TTN: variants seen among roughly 807,000 people sequenced by gnomAD.
TTN encodes titin, also known as connectin.
A neutral mutation model predicts 3,223.0 loss-of-function variants in TTN; 1,525 were observed. The ratio of observed to expected loss-of-function variants is 0.47; its 90% CI spans 0.45 to 0.49. The LOEUF (loss-of-function observed/expected upper bound fraction) is 0.49, where lower values mean the gene tolerates loss of function less well. Among genes scored for constraint, TTN ranks in the 20% least tolerant of loss-of-function variants. TTN has a pLI of 0.00. For missense variants in TTN, 40,786 were observed against 43,424.0 expected, an observed-to-expected ratio of 0.94 and a Z score of 5.40; for synonymous variants, 14,094 against 15,161.0, an observed-to-expected ratio of 0.93 and a Z score of 5.17.
In TTN at chr2:178,718,139, TC is replaced by T; in HGVS notation, c.24866del (p.Gly8289GlufsTer33). On this transcript the variant is annotated frameshift_variant, in exon 86 of 363. Coordinates refer to ENST00000589042, the MANE Select transcript of TTN (RefSeq NM_001267550.2). LOFTEE classifies it high-confidence loss of function. ...ACCAAGAAATTCTAATTTCTGGAGT[TC>T]CATCCACTTTACACTGTAAAGTTGC... The part of the protein sequence containing the change: ...EPATLQCKVD[G>X]TPEIRISWYK... The T allele has an allele frequency of 6.2e-7, 1 of 1,609,186 alleles. No homozygotes were observed. Among genetic ancestry groups the T allele is most frequent in the Non-Finnish European group, 8.5e-7 (1 of 1,179,686 alleles).
At position 178,575,229 on chromosome 2, in the gene TTN, G is replaced by A; in HGVS notation, c.70903C>T (p.Leu23635Phe). The A allele has an allele frequency of 2.5e-6, 4 of 1,613,056 alleles. No individual in the cohort carries two copies. Among genetic ancestry groups the A allele is most frequent in the Non-Finnish European group, 3.4e-6 (4 of 1,179,498 alleles). The change falls in exon 326 of 363, where the codon CTC (leucine) becomes TTC (phenylalanine). Residue 23635 changes from leucine (L) to phenylalanine (F), a missense_variant. Transcript: ENST00000589042. This position sits in a 1 kb window ranked among gnomAD's most constrained non-coding sequence, Gnocchi z 4.0. ...ACCAGTTTCTGATAGATGCCACGGA[G>A]ATCCAGCTCTGGAAGCATTGTCTGC... ...KEQTMLPELD[L>F]RGIYQKLVIA... is the part of the protein sequence containing the mutation.
chr2:178,803,334 T>C lies in TTN; in HGVS notation c.92-993A>G, dbSNP rs1386823600. Among the ~76,000 whole-genome samples the C allele has an allele frequency of 3.9e-5, 6 of 152,302 alleles. No homozygotes were observed. The East Asian group carries it at 7.7e-4, about 20-fold the overall frequency. On this transcript the variant is annotated intron_variant, in intron 2 of 362. Transcript: ENST00000589042. ...AAGATATGAAGTAGCCAGATTCCACTACTTCTCAAGGAGGCAAATTCCCAC... is the reference window on the plus strand; with the variant it reads ...AAGATATGAAGTAGCCAGATTCCACCACTTCTCAAGGAGGCAAATTCCCAC...
chr2:178,570,044 C>A lies in TTN; in HGVS notation c.76088G>T (p.Arg25363Leu). The A allele has an allele frequency of 6.2e-7, 1 of 1,613,290 alleles. No individual in the cohort carries two copies. The highest frequency in any genetic ancestry group is 8.5e-7 in the Non-Finnish European group (1 of 1,179,548). Residue 25363 changes from arginine (R) to leucine (L), a missense_variant, in exon 326 of 363, where the codon CGC becomes CTC. By Grantham distance (102) the Arg-to-Leu change is moderately radical (BLOSUM62 -2). Transcript: ENST00000589042. ...TTCTATGAGTCCAGTTACTCTCAGG[C>A]GCAACTCTCCAATCAGACGCTTATG... is the stretch of plus-strand genomic sequence containing the variant. ...RCHKRLIGEL[R>L]LRVTGLIENH...
In TTN at chr2:178,799,492, C is replaced by T. The variant is rs1288231396; in HGVS notation, c.909G>A (p.Pro303=). ...TCTCTCTATGGCAGCTTTACCTGAC[C>T]GGAGATGGGGTCGGTGCCCGCACGT... ...VRHVRAPTPS[P]VRSVSPAARI... The change falls in exon 6 of 363, where the codon CCG becomes CCA. Residue 303 remains proline (P), a synonymous_variant. Transcript: ENST00000589042. 6.2e-6 allele frequency: 10 copies of T among 1,614,038 alleles called. No homozygotes were observed. Among genetic ancestry groups the T allele is most frequent in the East Asian group, 4.5e-5 (2 of 44,852 alleles).
chr2:178,750,788 AC>A, intron 47 of TTN: 2 of 1,613,162 alleles, frequency 1.2e-6, no homozygotes, highest in Non-Finnish European at 1.7e-6. Flanking sequence ...AGCTTGAGAC[AC>A]ATTTTCAGGA....
chr2:178,575,528 G>C lies in TTN; in HGVS notation c.70604C>G (p.Pro23535Arg). 6.2e-7 allele frequency: 1 copy of C among 1,613,682 alleles called. No homozygotes were observed. Among genetic ancestry groups the C allele is most frequent in the South Asian group, 1.1e-5 (1 of 91,072 alleles). ...GTCCATGATGTTAAGGCTGTCTGGT[G>C]GAGATGGTGCTTCAGAGGCTTTTAC... is the stretch of plus-strand genomic sequence containing the variant. ...EPVKASEAPS[P>R]PDSLNIMDIT... Residue 23535 changes from proline to arginine, a missense_variant, in exon 326 of 363, where the codon CCA (proline) becomes CGA (arginine). Coordinates refer to ENST00000589042, the MANE Select transcript of TTN (RefSeq NM_001267550.2). This position sits in a 1 kb window ranked among gnomAD's most constrained non-coding sequence, Gnocchi z 4.0.
chr2:178,547,496 A>G lies in TTN; in HGVS notation c.94130T>C (p.Met31377Thr). The change falls in exon 339 of 363, where the codon ATG becomes ACG. Residue 31377 changes from methionine to threonine, a missense_variant. Transcript: ENST00000589042. Reference sequence around the variant, plus strand: ...TGAACTGACACGGAAAGAATATTCCATGTATTTTGTGAGATGAGTGACTTT... The same window carrying G: ...TGAACTGACACGGAAAGAATATTCCGTGTATTTTGTGAGATGAGTGACTTT... ...QIKVTHLTKY[M>T]EYSFRVSSEN... 6.2e-7 allele frequency: 1 copy of G among 1,613,288 alleles called. No individual in the cohort carries two copies.
rs2062950432 is a variant in TTN, at chr2:178,651,495, G to A, written c.39505C>T (p.Pro13169Ser). The change falls in exon 207 of 363, where the codon CCT (proline) becomes TCT (serine). Residue 13169 changes from proline (P) to serine (S), a missense_variant. Physicochemically the swap from Pro to Ser is moderately conservative, Grantham distance 74. Transcript: ENST00000589042. ...TCTGGCTTTTTGGGAACCACCAGAG[G>A]CACCTTCTTTTCAGGAACAACCTCC... is the stretch of plus-strand genomic sequence containing the variant. The part of the protein sequence containing the change: ...PKEVVPEKKV[P>S]LVVPKKPEAP... The A allele has an allele frequency of 2.5e-6, 4 of 1,612,898 alleles. 1 individual carries two copies. The Middle Eastern group carries it at 5.0e-4, about 200-fold the overall frequency.
rs372285899 is a variant in TTN, at chr2:178,679,371, A to G, written c.33710T>C (p.Ile11237Thr). The change falls in exon 142 of 363, where the codon ATT (isoleucine) becomes ACT (threonine). Residue 11237 changes from isoleucine (I) to threonine (T), a missense_variant. By Grantham distance (89) the Ile-to-Thr change is moderately conservative (BLOSUM62 -1). Transcript: ENST00000589042. ...TGGCGGAGGCTTCTCCTTTTTAGGA[A>G]TAAGCACAGGAACTTTCTCCTCTGG... is the stretch of plus-strand genomic sequence containing the variant. ...KKPEEKVPVL[I>T]PKKEKPPPAK... 1.2e-6 allele frequency: 2 copies of G among 1,612,786 alleles called. No individual in the cohort carries two copies. The highest frequency in any genetic ancestry group is 1.3e-5 in the African/African-American group (1 of 74,956).
rs769123120 is a variant in TTN, at chr2:178,608,407, A to G, written c.52476T>C (p.Asn17492=). Residue 17492 remains asparagine (N), a synonymous_variant, in exon 275 of 363, where the codon AAT becomes AAC. Coordinates refer to ENST00000589042, the MANE Select transcript of TTN (RefSeq NM_001267550.2). ...VTSNSMLVKW[N]EPKDNGSPIL... ...TGGGGCTTCCATTATCTTTTGGTTCATTCCATTTCACTAGCATACTGTTGC... is the reference window on the plus strand; with the variant it reads ...TGGGGCTTCCATTATCTTTTGGTTCGTTCCATTTCACTAGCATACTGTTGC... The G allele has an allele frequency of 1.2e-6, 2 of 1,610,060 alleles. No individual in the cohort carries two copies. Among genetic ancestry groups the G allele is most frequent in the Non-Finnish European group, 1.7e-6 (2 of 1,178,032 alleles).
chr2:178,575,685 A>AATAAG lies in TTN; in HGVS notation c.70442_70446dup (p.Ser23483LeufsTer29), dbSNP rs1357670076. The stretch of plus-strand genomic sequence containing the variant: ...TTATGGCACTTAGTGGTGGCTGTGG[A>AATAAG]ATAAGATTTCCGTGTTGCTTCACGT... On this transcript the variant is annotated frameshift_variant, in exon 326 of 363. Transcript: ENST00000589042. LOFTEE classifies it high-confidence loss of function. The surrounding 1 kb of genome is among the most constrained non-coding windows in gnomAD (Gnocchi z 4.0). 6.2e-7 allele frequency: 1 copy of AATAAG among 1,613,580 alleles called. No individual in the cohort carries two copies.
At position 178,741,585 on chromosome 2, in the gene TTN, T is replaced by C. The variant is rs764648076; in HGVS notation, c.11648A>G (p.Lys3883Arg). 5.6e-6 allele frequency: 9 copies of C among 1,613,738 alleles called. No individual in the cohort carries two copies. In the Admixed American group the frequency reaches 1.2e-4, roughly 21 times the overall value. ...DDHSLIILFT[K>R]LEDEGEYTCM... ...TGTATACTCTCCCTCATCCTCCAAT[T>C]TGGTGAACAGAATGATCAGGCTATG... is the stretch of plus-strand genomic sequence containing the variant. The change falls in exon 48 of 363, where the codon AAA becomes AGA. Residue 3883 changes from lysine (K) to arginine (R), a missense_variant. By Grantham distance (26) the Lys-to-Arg change is conservative. Coordinates refer to ENST00000589042, the MANE Select transcript of TTN (RefSeq NM_001267550.2).
chr2:178,547,386 T>A (rs563381300), intron 339 of TTN, 21 bp downstream of exon 339: 5 of 1,584,214 alleles, frequency 3.2e-6, no homozygotes, highest in Non-Finnish European at 4.3e-6. Context: ...GACTTTGAAA[T>A]AGGATTTTTA....
At position 178,741,702 on chromosome 2, in the gene TTN, A is replaced by G. The variant is rs1257974534; in HGVS notation, c.11531T>C (p.Ile3844Thr). 14 of 1,613,776 alleles carry G rather than the reference A, an allele frequency of 8.7e-6. No homozygotes were observed. Among genetic ancestry groups the G allele is most frequent in the African/African-American group, 1.3e-5 (1 of 75,030 alleles). ...CTGAATTTTAGGTTTGGGGATGCCA[A>G]TGACAGTTACAGACAGTGTAGCCAC... ...GDVATLSVTVIGIPKPKIQWF... is the reference protein window; with the variant it reads ...GDVATLSVTVTGIPKPKIQWF... The change falls in exon 48 of 363, where the codon ATT becomes ACT. Residue 3844 changes from isoleucine to threonine, a missense_variant. By Grantham distance (89) the Ile-to-Thr change is moderately conservative. Transcript: ENST00000589042.
At chr2:178,652,768 G>T (rs1391827901) in intron 200 of TTN, 32 bp from the exon 201 acceptor site, 34 of 1,601,110 alleles carry the variant, frequency 2.1e-5, no homozygotes, top group Non-Finnish European at 2.8e-5. Flanking sequence ...TACATTTAGG[G>T]GTTATGAAGA....
At chr2:178,695,191 TTAGA>T (rs1176143289) in intron 115 of TTN, among the ~76,000 whole-genome samples, 153 bp downstream of exon 115, 1 of 151,914 alleles carries the variant, frequency 6.6e-6, no homozygotes, top group Non-Finnish European at 1.5e-5. Context: ...ATGAAATCAA[TTAGA>T]TAGAAATTTT....
rs764780077 is a variant in TTN, at chr2:178,688,751, T to G, written c.32123A>C (p.Glu10708Ala). ...TTCTTCAGCAACAAATCTCTTTTCT[T>G]CTACAACAGTTTTCTTAGAGACTTC... ...RAEVSKKTVV[E>A]EKRFVAEEKL... The change falls in exon 126 of 363, where the codon GAA becomes GCA. Residue 10708 changes from glutamate (E) to alanine (A), a missense_variant. Coordinates refer to ENST00000589042, the MANE Select transcript of TTN (RefSeq NM_001267550.2). 6.2e-7 allele frequency: 1 copy of G among 1,613,292 alleles called. No homozygotes were observed. Among genetic ancestry groups the G allele is most frequent in the Non-Finnish European group, 8.5e-7 (1 of 1,179,332 alleles).
At chr2:178,801,302 T>C (rs1231133566) in intron 3 of TTN, among the ~76,000 whole-genome samples, 1 of 152,168 alleles carries the variant, frequency 6.6e-6, no homozygotes, top group African/African-American at 2.4e-5. Context: ...TTTTTATAAG[T>C]GTGAGGAGTG....
chr2:178,617,197 C>T lies in TTN; in HGVS notation c.47798G>A (p.Arg15933Lys). ...GLEKGNKYLY[R>K]VSAENKAGVS... is the part of the protein sequence containing the mutation. ...ACCAGCTTTATTTTCTGCAGATACT[C>T]TATATAAATATTTATTTCCTTTTTC... Residue 15933 changes from arginine (R) to lysine (K), a missense_variant, in exon 255 of 363, where the codon AGA (arginine) becomes AAA (lysine). Arg to Lys is a conservative substitution (Grantham distance 26). Transcript: ENST00000589042. 1 of 1,573,796 alleles carries T rather than the reference C, an allele frequency of 6.4e-7. No homozygotes were observed. Among genetic ancestry groups the T allele is most frequent in the Non-Finnish European group, 8.6e-7 (1 of 1,160,142 alleles).
Sources: gnomAD v4.1 joint callset for allele counts (sites outside exome capture counted in the v4.1 genomes callset) on GRCh38, gnomAD v4.1.1 for gene constraint, Gnocchi (gnomAD v3.1) non-coding constraint, MANE v1.5 for transcripts, NCBI Gene and HGNC (gene_info 2026-07-23, HGNC 2026-07-21) for gene names.